TTN: variants seen among roughly 807,000 people sequenced by gnomAD.
The protein encoded by TTN is connectin.
Under a neutral mutation model 3,223.0 loss-of-function variants are expected in TTN, and 1,525 were observed. The ratio of observed to expected loss-of-function variants is 0.47; its 90% CI spans 0.45 to 0.49. The LOEUF is 0.49. Among genes scored for constraint, TTN ranks in the 20% least tolerant of loss-of-function variants. The pLI, the probability that TTN is intolerant of heterozygous loss-of-function variation, is 0.00. For missense variants in TTN, 40,786 were observed against 43,424.0 expected (o/e 0.94, Z 5.40); for synonymous variants, 14,094 against 15,161.0 (o/e 0.93, Z 5.17).
chr2:178,780,446 G>A (rs2092665149), intron 21 of TTN, among the ~76,000 whole-genome samples: 1 of 152,144 alleles, frequency 6.6e-6, no homozygotes, highest in Admixed American at 6.5e-5. Flanking sequence ...CAGTTTTGGG[G>A]GGATCTACCA....
intron 92 of TTN, 55 bp from the exon 93 acceptor site, chr2:178,713,427 C>G: frequency 6.9e-7 from 1 of 1,454,022 alleles, no homozygotes; most frequent in Non-Finnish European, 9.1e-7. Context: ...CAAAGGACAA[C>G]AATTATAAAA....
Position 178,611,753 on chromosome 2 carries a change from C to T in TTN, c.50551+5G>A. 6.2e-7 allele frequency: 1 copy of T among 1,611,652 alleles called. No homozygotes were observed. The highest frequency in any genetic ancestry group is 8.5e-7 in the Non-Finnish European group (1 of 1,178,810). On this transcript the variant is annotated splice_donor_5th_base_variant and intron_variant, in intron 268 of 362. Coordinates refer to ENST00000589042, the MANE Select transcript of TTN (RefSeq NM_001267550.2). ...AATATCTTGTGTATAATCAGCACTA[C>T]TTACTTGTTGGATCTTCAATGGATA... is the stretch of plus-strand genomic sequence containing the variant.
rs2076799987 is a variant in TTN, at chr2:178,712,443, A to G, written c.27479T>C (p.Ile9160Thr). 6.2e-7 allele frequency: 1 copy of G among 1,613,682 alleles called. No individual in the cohort carries two copies. The highest frequency in any genetic ancestry group is 1.3e-5 in the African/African-American group (1 of 74,882). The change falls in exon 95 of 363, where the codon ATA (isoleucine) becomes ACA (threonine). Residue 9160 changes from isoleucine (I) to threonine (T), a missense_variant. Ile to Thr is a moderately conservative substitution (Grantham distance 89). Transcript: ENST00000589042. ...GATTGCCGATTTTTCAGTCGTAGTT[A>G]TATTACACCTCTGAGAAGGAGTTAC... Reference protein sequence around the residue: ...INVTPSQRCNITTTEKSAILE... With the variant: ...INVTPSQRCNTTTTEKSAILE...
Position 178,663,919 on chromosome 2 carries a change from G to T in TTN, c.36365-17C>A, listed in dbSNP as rs1251709245. On this transcript the variant is annotated splice_polypyrimidine_tract_variant and intron_variant, in intron 169 of 362. Transcript: ENST00000589042. ...CTTCTGGCACTTGAAAGATATTAGT[G>T]AAATTACATTTAGGTGTTATGAAGA... 5 of 1,612,924 alleles carry T rather than the reference G, an allele frequency of 3.1e-6. No individual in the cohort carries two copies. The highest frequency in any genetic ancestry group is 4.2e-6 in the Non-Finnish European group (5 of 1,179,670).
intron 134 of TTN, 44 bp downstream of exon 134, chr2:178,683,167 A>G (rs2069901352): frequency 1.5e-6 from 2 of 1,333,242 alleles, no homozygotes; most frequent in South Asian, 1.3e-5. Flanking sequence ...GCAAAGAGCC[A>G]GATAGTTTCA....
chr2:178,717,307 T>G lies in TTN; in HGVS notation c.25427A>C (p.Lys8476Thr). The G allele has an allele frequency of 6.2e-7, 1 of 1,613,644 alleles. No individual in the cohort carries two copies. Among genetic ancestry groups the G allele is most frequent in the East Asian group, 2.2e-5 (1 of 44,874 alleles). The change falls in exon 88 of 363, where the codon AAA becomes ACA. Residue 8476 changes from lysine to threonine, a missense_variant. Transcript: ENST00000589042. ...DLALGESGTF[K>T]CHVTGTAPIK... Reference sequence around the variant, plus strand: ...TGGTGCAGTCCCAGTTACATGACATTTAAAAGTACCACTTTCTCCAAGAGC... The same window carrying G: ...TGGTGCAGTCCCAGTTACATGACATGTAAAAGTACCACTTTCTCCAAGAGC...
chr2:178,565,110 A>G lies in TTN; in HGVS notation c.81022T>C (p.Tyr27008His). 6.2e-7 allele frequency: 1 copy of G among 1,613,514 alleles called. No individual in the cohort carries two copies. The highest frequency in any genetic ancestry group is 1.3e-5 in the African/African-American group (1 of 75,004). ...GTTGTATCTCGCTTCTCTACAATGTAGTTGCTTATTTGGCAGCCACCAGTA... is the reference window on the plus strand; with the variant it reads ...GTTGTATCTCGCTTCTCTACAATGTGGTTGCTTATTTGGCAGCCACCAGTA... ...AYTGGCQISNYIVEKRDTTTT... is the reference protein window; with the variant it reads ...AYTGGCQISNHIVEKRDTTTT... Residue 27008 changes from tyrosine to histidine, a missense_variant, in exon 326 of 363, where the codon TAC becomes CAC. Tyr to His is a moderately conservative substitution (Grantham distance 83). Coordinates refer to ENST00000589042, the MANE Select transcript of TTN (RefSeq NM_001267550.2).
At chr2:178,685,492 T>A in intron 128 of TTN, 26 bp downstream of exon 128, 1 of 1,598,548 alleles carries the variant, frequency 6.3e-7, no homozygotes. Context: ...AACATAGGGA[T>A]AAAACTAATT....
Position 178,570,668 on chromosome 2 carries a change from G to A in TTN, c.75464C>T (p.Thr25155Ile). Residue 25155 changes from threonine to isoleucine, a missense_variant, in exon 326 of 363, where the codon ACA becomes ATA. Thr to Ile is a moderately conservative substitution (Grantham distance 89). Coordinates refer to ENST00000589042, the MANE Select transcript of TTN (RefSeq NM_001267550.2). ...WIKGDQELSN[T>I]ARLEIKSTDF... The stretch of plus-strand genomic sequence containing the variant: ...GGTGCTCTTTATTTCTAATCGAGCT[G>A]TGTTTGAAAGCTCCTGATCACCTTT... 1 of 1,613,484 alleles carries A rather than the reference G, an allele frequency of 6.2e-7. No individual in the cohort carries two copies. The highest frequency in any genetic ancestry group is 1.1e-5 in the South Asian group (1 of 91,080).
At chr2:178,647,186 CAG>C (rs2062142666) in intron 214 of TTN, 42 bp from the exon 215 acceptor site, 1 of 1,222,608 alleles carries the variant, frequency 8.2e-7, no homozygotes, top group East Asian at 2.6e-5. Flanking sequence ...ATATTTAGAA[CAG>C]AATACTGCAA....
In TTN at chr2:178,530,648, C is replaced by T. The variant is rs372749780; in HGVS notation, c.105967G>A (p.Gly35323Ser). The T allele has an allele frequency of 1.2e-6, 2 of 1,613,942 alleles. No homozygotes were observed. The highest frequency in any genetic ancestry group is 1.3e-5 in the African/African-American group (1 of 75,018). ...TGCCCATTTTCCTTCAGTTTCTTGC[C>T]ATCTTTATACCAGGTGACCTCTTTT... is the stretch of plus-strand genomic sequence containing the variant. Reference protein sequence around the residue: ...RAKEVTWYKDGKKLKENGHFQ... With the variant: ...RAKEVTWYKDSKKLKENGHFQ... The change falls in exon 358 of 363, where the codon GGC (glycine) becomes AGC (serine). Residue 35323 changes from glycine to serine, a missense_variant. Physicochemically the swap from Gly to Ser is moderately conservative, Grantham distance 56. Coordinates refer to ENST00000589042, the MANE Select transcript of TTN (RefSeq NM_001267550.2).
Position 178,567,439 on chromosome 2 carries a change from A to G in TTN, c.78693T>C (p.Asp26231=). The change falls in exon 326 of 363, where the codon GAT becomes GAC. Residue 26231 remains aspartate (D), a synonymous_variant. Transcript: ENST00000589042. ...PLPTIEWLRG[D]KEIEESARCE... The stretch of plus-strand genomic sequence containing the variant: ...ATCTAGCAGATTCTTCAATTTCCTT[A>G]TCTCCTCTTAACCACTCAATGGTAG... The G allele has an allele frequency of 6.2e-7, 1 of 1,610,562 alleles. No individual in the cohort carries two copies. Among genetic ancestry groups the G allele is most frequent in the East Asian group, 2.2e-5 (1 of 44,816 alleles).
In TTN at chr2:178,782,805, C is replaced by G; in HGVS notation, c.3100+1G>C. ...AGGACTGTGGGAGGGTGGCCACTAA[C>G]CCTGCACAGCCAGATAGCAGGATGT... On this transcript the variant is annotated splice_donor_variant, in intron 18 of 362. Coordinates refer to ENST00000589042, the MANE Select transcript of TTN (RefSeq NM_001267550.2). LOFTEE classifies it high-confidence loss of function. 1 of 1,612,656 alleles carries G rather than the reference C, an allele frequency of 6.2e-7. No individual in the cohort carries two copies. The highest frequency in any genetic ancestry group is 8.5e-7 in the Non-Finnish European group (1 of 1,179,828).
At position 178,559,682 on chromosome 2, in the gene TTN, C is replaced by T. The variant is rs770715791; in HGVS notation, c.86450G>A (p.Arg28817Lys). 1.9e-6 allele frequency: 3 copies of T among 1,610,504 alleles called. No individual in the cohort carries two copies. The South Asian group carries it at 3.3e-5, about 18-fold the overall frequency. Residue 28817 changes from arginine (R) to lysine (K), a missense_variant, in exon 326 of 363, where the codon AGA becomes AAA. Coordinates refer to ENST00000589042, the MANE Select transcript of TTN (RefSeq NM_001267550.2). Reference protein sequence around the residue: ...RTSLTIENANRNDSGKYTLTI... With the variant: ...RTSLTIENANKNDSGKYTLTI... ...TAATGTGTACTTTCCAGAGTCATTT[C>T]TGTTGGCATTTTCAATGGTCAGTGA...
rs761599633 is a variant in TTN at position 178,600,854 on chromosome 2, A to C, written c.56050T>G (p.Cys18684Gly). The C allele has an allele frequency of 1.2e-6, 2 of 1,612,680 alleles. No homozygotes were observed. Among genetic ancestry groups the C allele is most frequent in the African/African-American group, 2.7e-5 (2 of 74,846 alleles). ...VGPVTVKDQT[C>G]PPSIDLKEFM... ...TCTTTGTCAGTACATTGGTACTTAC[A>C]TGTCTGGTCTTTGACAGTCACAGGG... Residue 18684 changes from cysteine (C) to glycine (G), a missense_variant and splice_region_variant, in exon 288 of 363, where the codon TGC becomes GGC. Cys to Gly is a radical substitution (Grantham distance 159). Transcript: ENST00000589042.
Position 178,566,749 on chromosome 2 carries a change from G to T in TTN, c.79383C>A (p.Val26461=). 6.2e-7 allele frequency: 1 copy of T among 1,613,384 alleles called. No homozygotes were observed. The highest frequency in any genetic ancestry group is 8.5e-7 in the Non-Finnish European group (1 of 1,179,692). Residue 26461 remains valine, a synonymous_variant, in exon 326 of 363, where the codon GTC becomes GTA. Coordinates refer to ENST00000589042, the MANE Select transcript of TTN (RefSeq NM_001267550.2). ...CAACTCCAGCAGCATTTTCTGCAGA[G>T]ACCCTGAATTCATACTCATGATCTT... ...LTEDHEYEFR[V]SAENAAGVGE...
Position 178,800,660 on chromosome 2 carries a change from G to A in TTN, c.318C>T (p.Phe106=), listed in dbSNP as rs1219102157. The change falls in exon 4 of 363, where the codon TTC becomes TTT. Residue 106 remains phenylalanine (F), a synonymous_variant. Coordinates refer to ENST00000589042, the MANE Select transcript of TTN (RefSeq NM_001267550.2). ...CGGTCATGCTCTGCAGTCGTTGAAC[G>A]AAGTTGGGTGGTGCTGTCTCAGCTG... ...LVKAETAPPN[F]VQRLQSMTVR... 1.2e-6 allele frequency: 2 copies of A among 1,609,538 alleles called. No individual in the cohort carries two copies. The highest frequency in any genetic ancestry group is 1.7e-5 in the Admixed American group (1 of 59,744).
Position 178,545,570 on chromosome 2 carries a change from C to G in TTN, c.95540G>C (p.Arg31847Pro), listed in dbSNP as rs771179752. The stretch of plus-strand genomic sequence containing the variant: ...TGTCCAGCGCAGGCTCTTCTTCTCA[C>G]GTTTGTCTACTAGGTAGTTGCTGAT... Reference protein sequence around the residue: ...NEISNYLVDKREKKSLRWTRV... With the variant: ...NEISNYLVDKPEKKSLRWTRV... The change falls in exon 344 of 363, where the codon CGT becomes CCT. Residue 31847 changes from arginine to proline, a missense_variant. Transcript: ENST00000589042. 6.2e-7 allele frequency: 1 copy of G among 1,613,748 alleles called. No homozygotes were observed. Among genetic ancestry groups the G allele is most frequent in the Non-Finnish European group, 8.5e-7 (1 of 1,179,720 alleles).
rs746702475 is a variant in TTN at position 178,622,033 on chromosome 2, C to T, written c.44914-25G>A. 7 of 1,573,318 alleles carry T rather than the reference C, an allele frequency of 4.4e-6. No individual in the cohort carries two copies. The Admixed American group carries it at 1.1e-4, about 25-fold the overall frequency. On this transcript the variant is annotated intron_variant, in intron 243 of 362. Coordinates refer to ENST00000589042, the MANE Select transcript of TTN (RefSeq NM_001267550.2). ...CCTATATTTAAGATAAATAGATTATCAGTTTTCTTGTTGTTCCTTCACACA... is the reference window on the plus strand; with the variant it reads ...CCTATATTTAAGATAAATAGATTATTAGTTTTCTTGTTGTTCCTTCACACA...
Sources: gnomAD v4.1 joint callset for allele counts (sites outside exome capture counted in the v4.1 genomes callset) on GRCh38, gnomAD v4.1.1 for gene constraint, MANE v1.5 for transcripts, NCBI Gene and HGNC (gene_info 2026-07-23, HGNC 2026-07-21) for gene names.